CTBP2: variants seen among roughly 807,000 people sequenced by gnomAD.
CTBP2 encodes C-terminal binding protein 2.
A neutral mutation model predicts 80.3 loss-of-function variants in CTBP2; 30 were observed. That is an observed-to-expected ratio of 0.37 (90% CI 0.28 to 0.51). The LOEUF (loss-of-function observed/expected upper bound fraction) is 0.51, where lower values mean the gene tolerates loss of function less well. CTBP2 is among the 20% of genes least tolerant of loss of function. The pLI is 0.93. For missense variants in CTBP2, 1,212 were observed against 1,375.3 expected, an observed-to-expected ratio of 0.88 and a Z score of 1.88; for synonymous variants, 594 against 587.4, an observed-to-expected ratio of 1.01 and a Z score of -0.16.
At chr10:125,115,922 C>T (rs1045311227) in intron 1 of CTBP2, among the ~76,000 whole-genome samples, 2 of 152,138 alleles carry the variant, frequency 1.3e-5, no homozygotes, top group African/African-American at 4.8e-5. Flanking sequence ...CAGTCTTCGC[C>T]CCCTATACTC....
intron 2 of CTBP2, among the ~76,000 whole-genome samples, chr10:125,061,254 T>C (rs1167845374): frequency 3.9e-5 from 6 of 152,186 alleles, no homozygotes; most frequent in Admixed American, 1.3e-4. Flanking sequence ...GCTGTAAAAA[T>C]ACTTCCCGAT....
chr10:124,984,488 T>G lies in CTBP2; in HGVS notation c.*5030A>C. The G allele has an allele frequency of 2.9e-6, 1 of 341,738 alleles. No individual in the cohort carries two copies. The highest frequency in any genetic ancestry group is 5.3e-6 in the Non-Finnish European group (1 of 189,334). 21.2% of individuals were successfully genotyped at this position (341,738 alleles called of 1,614,324 possible). A position where few individuals can be genotyped will look rare whatever the true frequency, so the allele number is the denominator to read the frequency against. On this transcript the variant is annotated 3_prime_UTR_variant, in exon 9 of 9. Transcript: ENST00000309035. ...TGTTTGAAGCTGTGGCTTGCCAGGA[T>G]CAGTTTATTAGGACATTTGTTTTTT... is the stretch of plus-strand genomic sequence containing the variant.
rs1017043840 is a variant in CTBP2 at position 125,158,885 on chromosome 10, G to A, written c.-206+1434C>T. ...GTGTCCGCGACCGTCGTCGCCGGCG[G>A]AAAGCGAGCCACGGGAGGGAGTGTG... On this transcript the variant is annotated intron_variant, in intron 1 of 10. Coordinates refer to the CTBP2 transcript ENST00000337195. Among the ~76,000 whole-genome samples the A allele has an allele frequency of 3.9e-5, 6 of 152,160 alleles. 1 individual carries two copies. In the East Asian group the frequency reaches 1.2e-3, roughly 30 times the overall value.
chr10:125,012,973 G>A (rs977250119), intron 1 of CTBP2, among the ~76,000 whole-genome samples: 1 of 152,296 alleles, frequency 6.6e-6, no homozygotes, highest in South Asian at 2.1e-4. Flanking sequence ...AGGACTGGCT[G>A]GTCCACCTAA....
intron 1 of CTBP2, among the ~76,000 whole-genome samples, chr10:125,117,402 G>T (rs1224462416): frequency 6.6e-6 from 1 of 151,988 alleles, no homozygotes; most frequent in East Asian, 1.9e-4. Flanking sequence ...TGTGACCCAT[G>T]CCCTCTAACA....
chr10:125,136,017 C>T (rs1199727318), intron 1 of CTBP2, among the ~76,000 whole-genome samples: 1 of 152,232 alleles, frequency 6.6e-6, no homozygotes, highest in African/African-American at 2.4e-5. Context: ...GGCAGTGGTT[C>T]CCTACCTGGT....
intron 1 of CTBP2, chr10:125,005,841 C>T (rs1169035472): frequency 4.4e-6 from 7 of 1,589,474 alleles, no homozygotes; most frequent in Non-Finnish European, 6.0e-6. Context: ...CAGTGAGGAA[C>T]ACCCCAACTT....
intron 1 of CTBP2, among the ~76,000 whole-genome samples, chr10:125,119,676 T>C (rs552590093): frequency 6.6e-6 from 1 of 152,338 alleles, no homozygotes; most frequent in South Asian, 2.1e-4. Flanking sequence ...ACAGAATAGA[T>C]CCAAAGTGTT....
chr10:125,148,520 G>C (rs1859223809), intron 1 of CTBP2, among the ~76,000 whole-genome samples: 1 of 152,188 alleles, frequency 6.6e-6, no homozygotes, highest in Admixed American at 6.5e-5. Flanking sequence ...TTAAAAGACT[G>C]CTCTGAGGGG....
chr10:125,050,030 G>A (rs1399171135), intron 2 of CTBP2, among the ~76,000 whole-genome samples: 1 of 149,716 alleles, frequency 6.7e-6, no homozygotes, highest in Non-Finnish European at 1.5e-5. Context: ...CCAGGCACCT[G>A]GGGTGGCCCA....
At chr10:125,149,466 C>T (rs1261221254) in intron 1 of CTBP2, among the ~76,000 whole-genome samples, 1 of 152,194 alleles carries the variant, frequency 6.6e-6, no homozygotes, top group Admixed American at 6.5e-5. Flanking sequence ...GACACCGGGA[C>T]TCACATGACT....
chr10:125,091,704 G>A (rs751129913), intron 2 of CTBP2, among the ~76,000 whole-genome samples: 1 of 152,220 alleles, frequency 6.6e-6, no homozygotes, highest in Non-Finnish European at 1.5e-5. Flanking sequence ...CGGAGGTCAA[G>A]ACTGCTGTGA....
chr10:125,041,499 TCCCCACCCCCCCCCC>T lies in CTBP2; in HGVS notation c.-101-2359_-101-2345del, dbSNP rs1250826132. 7.2e-4 allele frequency among the ~76,000 whole-genome samples: 22 copies of T among 30,358 alleles called. 1 individual carries two copies. The South Asian group carries it at 0.017, about 23-fold the overall frequency. 19.9% of individuals were successfully genotyped at this position (30,358 alleles called of 152,430 possible). On this transcript the variant is annotated intron_variant, in intron 2 of 10. Coordinates refer to the CTBP2 transcript ENST00000337195. ...ACCTATTGATCTGAGCTTTTGTCCA[TCCCCACCCCCCCCCC>T]CCCCACCCACAAGTGACTCTAGGTG...
intron 2 of CTBP2, among the ~76,000 whole-genome samples, chr10:125,077,711 C>A (rs1401316755): frequency 6.6e-6 from 1 of 152,202 alleles, no homozygotes; most frequent in East Asian, 1.9e-4. Flanking sequence ...GAAGAAATCA[C>A]CCATGAAAAA....
chr10:125,137,667 C>G (rs1312328984), intron 1 of CTBP2, among the ~76,000 whole-genome samples: 1 of 152,244 alleles, frequency 6.6e-6, no homozygotes, highest in Middle Eastern at 3.4e-3. Flanking sequence ...CTTGGAAAGA[C>G]AATAAATTGG....
At chr10:125,125,538 A>G (rs761741605) in intron 1 of CTBP2, among the ~76,000 whole-genome samples, 33 of 152,192 alleles carry the variant, frequency 2.2e-4, no homozygotes, top group Non-Finnish European at 4.3e-4. Flanking sequence ...ACTTAAGTCA[A>G]TTGAAGCTTG....
Position 125,063,636 on chromosome 10 carries a change from C to T in CTBP2, c.-101-24481G>A, listed in dbSNP as rs767723054. 7.2e-5 allele frequency among the ~76,000 whole-genome samples: 11 copies of T among 152,128 alleles called. 1 individual carries two copies. Among genetic ancestry groups the T allele is most frequent in the Admixed American group, 4.6e-4 (7 of 15,260 alleles). On this transcript the variant is annotated intron_variant, in intron 2 of 10. Transcript: ENST00000337195. ...CTGATTCCTACCAAATGAAGCTGTA[C>T]GATTTATCAGCTCATGGATGGCGCA...
intron 3 of CTBP2, among the ~76,000 whole-genome samples, chr10:125,038,081 TTC>T (rs1959066128): frequency 6.6e-6 from 1 of 151,536 alleles, no homozygotes; most frequent in Admixed American, 6.6e-5. Flanking sequence ...CAGCGCAGAG[TTC>T]TGTGAGGCCA....
upstream of CTBP2, among the ~76,000 whole-genome samples, chr10:125,028,747 T>G (rs1957902395): frequency 6.6e-6 from 1 of 152,208 alleles, no homozygotes; most frequent in Admixed American, 6.5e-5. Context: ...AAAGCAGAAC[T>G]GGGAAGCGGC....
Sources: allele counts gnomAD v4.1 joint callset (sites outside exome capture counted in the v4.1 genomes callset), GRCh38; gene constraint gnomAD v4.1.1; transcripts MANE v1.5; gene names NCBI Gene and HGNC (gene_info 2026-07-23, HGNC 2026-07-21).